The following SCML4 variants were observed in gnomAD, a reference collection of about 807,000 sequenced individuals.
SCML4 encodes the protein Scm polycomb group protein like 4.
Under a neutral mutation model 41.1 loss-of-function variants are expected in SCML4, and 34 were observed. The ratio of observed to expected loss-of-function variants is 0.83; its 90% CI spans 0.63 to 1.10. The LOEUF is 1.10. Ranked by LOEUF, SCML4 falls within the 50% of genes least tolerant of loss-of-function variation. The pLI, the probability that SCML4 is intolerant of heterozygous loss-of-function variation, is 0.00. For missense variants in SCML4, 522 were observed against 534.1 expected (o/e 0.98, Z 0.22); for synonymous variants, 214 against 220.9 (o/e 0.97, Z 0.28).
intron 1 of SCML4, among the ~76,000 whole-genome samples, chr6:107,817,916 G>C (rs1339713505): frequency 6.6e-6 from 1 of 152,122 alleles, no homozygotes; most frequent in Non-Finnish European, 1.5e-5. Flanking sequence ...TCTCACTGTG[G>C]GACCAATTAA....
intron 1 of SCML4, among the ~76,000 whole-genome samples, chr6:107,795,454 A>C (rs62426349): frequency 0.089 from 13,507 of 152,212 alleles, 849 homozygotes; most frequent in Non-Finnish European, 0.14. Context: ...TTGAGTTTTG[A>C]GTTTTGACAA....
rs1188781693 is a variant in SCML4 at position 107,707,979 on chromosome 6, T to C, written c.1006A>G (p.Arg336Gly). Residue 336 changes from arginine to glycine, a missense_variant, in exon 7 of 8, where the codon AGG (arginine) becomes GGG (glycine). By Grantham distance (125) the Arg-to-Gly change is moderately radical. Coordinates refer to ENST00000369020, the MANE Select transcript of SCML4 (RefSeq NM_198081.5). ...GAGGGGTTCCTGCTCCGTGGCCGCCTGGCATCCTGCGCATCCTGAGAAGGG... is the reference window on the plus strand; with the variant it reads ...GAGGGGTTCCTGCTCCGTGGCCGCCCGGCATCCTGCGCATCCTGAGAAGGG... ...SSPSQDAQDA[R>G]RPRSRNPSAW... 4.5e-6 allele frequency: 7 copies of C among 1,551,426 alleles called. No individual in the cohort carries two copies. Among genetic ancestry groups the C allele is most frequent in the African/African-American group, 2.7e-5 (2 of 73,168 alleles).
chr6:107,724,229 T>C (rs1775727872), intron 5 of SCML4, among the ~76,000 whole-genome samples: 1 of 152,222 alleles, frequency 6.6e-6, no homozygotes, highest in Admixed American at 6.5e-5. Context: ...GACTGGATGC[T>C]GTCCCCCAAG....
chr6:107,768,775 TTACC>T (rs1780279147), intron 2 of SCML4, among the ~76,000 whole-genome samples: 1 of 152,238 alleles, frequency 6.6e-6, no homozygotes, highest in African/African-American at 2.4e-5. Flanking sequence ...AGTATTATTA[TTACC>T]TTTTATTGGG....
At chr6:107,770,678 C>T in intron 2 of SCML4, among the ~76,000 whole-genome samples, 1 of 152,180 alleles carries the variant, frequency 6.6e-6, no homozygotes, top group South Asian at 2.1e-4. Context: ...GTGCTGAAAA[C>T]TACCCTTTTG....
chr6:107,815,995 G>T (rs1784528889), intron 1 of SCML4, among the ~76,000 whole-genome samples: 1 of 152,230 alleles, frequency 6.6e-6, no homozygotes, highest in Admixed American at 6.5e-5. Flanking sequence ...CAGAGCAGGA[G>T]AGGCTGGCGC....
At chr6:107,754,929 C>G (rs778559518) in intron 2 of SCML4, among the ~76,000 whole-genome samples, 2 of 152,078 alleles carry the variant, frequency 1.3e-5, no homozygotes, top group African/African-American at 4.8e-5. Context: ...ATAGTGATAT[C>G]TCTTTTGTAC....
At chr6:107,822,479 G>A (rs1248715247) in intron 1 of SCML4, among the ~76,000 whole-genome samples, 1 of 142,070 alleles carries the variant, frequency 7.0e-6, no homozygotes, top group South Asian at 2.2e-4. Context: ...TTCTATTACC[G>A]TTCATTTACT....
intron 5 of SCML4, chr6:107,740,086 C>T (rs935701567): frequency 3.4e-5 from 16 of 470,268 alleles, no homozygotes; most frequent in Non-Finnish European, 6.6e-5. Flanking sequence ...TCCAAACCTC[C>T]CAGCTGACTG....
intron 6 of SCML4, 98 bp downstream of exon 6, chr6:107,720,605 T>A: frequency 2.1e-6 from 3 of 1,448,424 alleles, no homozygotes; most frequent in Non-Finnish European, 2.7e-6. Context: ...CAGTCCCACG[T>A]TTAAACAGCC....
chr6:107,801,331 C>T (rs548224203), intron 1 of SCML4, among the ~76,000 whole-genome samples: 52 of 152,324 alleles, frequency 3.4e-4, no homozygotes, highest in African/African-American at 1.3e-3. Flanking sequence ...CCCTTCCCCA[C>T]CTCCCTTTTC....
At chr6:107,728,604 T>C (rs1022258766) in intron 5 of SCML4, among the ~76,000 whole-genome samples, 10 of 152,166 alleles carry the variant, frequency 6.6e-5, no homozygotes, top group African/African-American at 2.4e-4. Flanking sequence ...AGCAAAACTC[T>C]GTCTCAAAAA....
chr6:107,785,212 T>C (rs978244216), intron 1 of SCML4, among the ~76,000 whole-genome samples: 3 of 152,194 alleles, frequency 2.0e-5, no homozygotes, highest in African/African-American at 7.2e-5. Flanking sequence ...CTTCTATGAG[T>C]AGGACTTTAA....
chr6:107,718,295 G>A (rs1419925739), intron 6 of SCML4: 1 of 152,264 alleles, frequency 6.6e-6, no homozygotes, highest in Non-Finnish European at 1.5e-5. Flanking sequence ...GTCTTATAAA[G>A]GGGAGTTCCC....
intron 1 of SCML4, among the ~76,000 whole-genome samples, chr6:107,779,567 G>A (rs1421730239): frequency 1.3e-5 from 2 of 152,174 alleles, no homozygotes; most frequent in Non-Finnish European, 2.9e-5. Flanking sequence ...TGGACTCTAA[G>A]TTGTTTCCTT....
intron 1 of SCML4, among the ~76,000 whole-genome samples, chr6:107,788,533 AT>A (rs974573147): frequency 1.3e-5 from 2 of 152,122 alleles, no homozygotes; most frequent in African/African-American, 4.8e-5. Context: ...ATTTCTTTTT[AT>A]TTGCCAAGCA....
the SCML4 span, among the ~76,000 whole-genome samples, chr6:107,833,517 T>A: frequency 6.6e-6 from 1 of 152,004 alleles, no homozygotes; most frequent in Non-Finnish European, 1.5e-5. Context: ...ACTGCTTCCT[T>A]TCAGCAGTAA....
chr6:107,780,916 A>T (rs934357496), intron 1 of SCML4, among the ~76,000 whole-genome samples: 5 of 152,186 alleles, frequency 3.3e-5, no homozygotes. Context: ...AATAGTAACC[A>T]TAGCAATGTA....
intron 1 of SCML4, among the ~76,000 whole-genome samples, chr6:107,777,514 A>G (rs192789282): frequency 6.6e-6 from 1 of 152,324 alleles, no homozygotes; most frequent in Admixed American, 6.5e-5. Context: ...TTTCTACTGA[A>G]AATTTTTGCT....
Sources: gnomAD v4.1 joint callset for allele counts (sites outside exome capture counted in the v4.1 genomes callset) on GRCh38, gnomAD v4.1.1 for gene constraint, MANE v1.5 for transcripts, NCBI Gene and HGNC (gene_info 2026-07-23, HGNC 2026-07-21) for gene names.